PDE4D: variants seen among roughly 807,000 people sequenced by gnomAD.
PDE4D encodes phosphodiesterase 4D.
In PDE4D, 24 loss-of-function variants were observed where a neutral mutation model predicts 87.4. The ratio of observed to expected loss-of-function variants is 0.27; its 90% confidence interval spans 0.20 to 0.39. The LOEUF (loss-of-function observed/expected upper bound fraction) is 0.39. Among genes scored for constraint, PDE4D ranks in the 10% least tolerant of loss-of-function variants. The probability of loss-of-function intolerance (pLI) is 1.00; values close to 1 mark genes in which losing one functional copy is unlikely to be tolerated. For synonymous variants in PDE4D, 384 were observed against 383.2 expected (o/e 1.00, Z -0.02); for missense variants, 714 against 1,041.0 (o/e 0.69, Z 4.32).
chr5:59,362,083 T>G (rs1256647273), intron 1 of PDE4D, among the ~76,000 whole-genome samples: 1 of 152,176 alleles, frequency 6.6e-6, no homozygotes, highest in Non-Finnish European at 1.5e-5. Flanking sequence ...TGAGTTTCAG[T>G]GTCTTACCCA....
chr5:59,736,053 T>G (rs1758023548), intron 1 of PDE4D, among the ~76,000 whole-genome samples: 1 of 151,584 alleles, frequency 6.6e-6, no homozygotes, highest in Non-Finnish European at 1.5e-5. Context: ...AGAGTCAAAT[T>G]TATGTGACAA....
chr5:60,456,699 C>T (rs7719095), intron 1 of PDE4D, among the ~76,000 whole-genome samples: 19,165 of 152,198 alleles, frequency 0.13, 1,308 homozygotes, highest in Non-Finnish European at 0.16. Flanking sequence ...TCAACTTCTC[C>T]TTCCTTACTC....
chr5:59,770,899 A>G (rs1019271882), intron 1 of PDE4D, among the ~76,000 whole-genome samples: 9 of 152,080 alleles, frequency 5.9e-5, no homozygotes, highest in African/African-American at 2.2e-4. Context: ...TGGGAGGCCA[A>G]TGCAGGAAGA....
chr5:59,515,920 G>T (rs1487877088), intron 1 of PDE4D, among the ~76,000 whole-genome samples: 1 of 152,132 alleles, frequency 6.6e-6, no homozygotes, highest in African/African-American at 2.4e-5. Flanking sequence ...GAAATAACTA[G>T]TTAGCCATAT....
At chr5:60,295,043 T>C (rs918501178) in intron 1 of PDE4D, among the ~76,000 whole-genome samples, 1 of 152,164 alleles carries the variant, frequency 6.6e-6, no homozygotes, top group East Asian at 1.9e-4. Context: ...TTTATCTTGG[T>C]AAATTATAGT....
At chr5:59,900,239 C>CAAAA (rs369200356) in intron 3 of PDE4D, among the ~76,000 whole-genome samples, 13 of 118,274 alleles carry the variant, frequency 1.1e-4, no homozygotes, top group African/African-American at 3.9e-4. Context: ...GACTCCATAT[C>CAAAA]AAAAAAAAAT....
intron 1 of PDE4D, among the ~76,000 whole-genome samples, chr5:60,390,431 C>T (rs576194886): frequency 1.3e-5 from 2 of 152,284 alleles, no homozygotes; most frequent in South Asian, 4.2e-4. Flanking sequence ...ATTCCTTACC[C>T]TTTGAAAAGT....
At chr5:60,070,199 T>C (rs965557883) in intron 2 of PDE4D, among the ~76,000 whole-genome samples, 2 of 152,244 alleles carry the variant, frequency 1.3e-5, no homozygotes, top group Admixed American at 6.5e-5. Context: ...TTGCTCTAGA[T>C]AGGGCTTCAA....
At position 59,180,615 on chromosome 5, in the gene PDE4D, A is replaced by T. The variant is rs769361266; in HGVS notation, c.788T>A (p.Ile263Asn). ...CTTACCTGTTATGGTGGCTTTGTTG[A>T]TGGATGGTTGGTTGCACATGGGTGA... Reference protein sequence around the residue: ...KRSPMCNQPSINKATITEEAY... With the variant: ...KRSPMCNQPSNNKATITEEAY... The change falls in exon 5 of 15, where the codon ATC becomes AAC. Residue 263 changes from isoleucine to asparagine, a missense_variant. Physicochemically the swap from Ile to Asn is moderately radical, Grantham distance 149. Transcript: ENST00000340635. The T allele has an allele frequency of 1.2e-6, 2 of 1,613,406 alleles. No homozygotes were observed. Among genetic ancestry groups the T allele is most frequent in the South Asian group, 2.2e-5 (2 of 90,908 alleles).
intron 1 of PDE4D, among the ~76,000 whole-genome samples, chr5:59,815,083 C>T (rs1418660398): frequency 6.6e-6 from 1 of 152,094 alleles, no homozygotes; most frequent in Non-Finnish European, 1.5e-5. Context: ...AAACTGTCAA[C>T]ATGAGAGATA....
Position 60,012,907 on chromosome 5 carries a change from C to T in PDE4D, c.43-24190G>A, listed in dbSNP as rs371482472. Among the ~76,000 whole-genome samples the T allele has an allele frequency of 8.7e-4, 133 of 152,320 alleles. 2 individuals carry two copies. The South Asian group carries it at 0.027, about 31-fold the overall frequency. On this transcript the variant is annotated intron_variant, in intron 2 of 16. Coordinates refer to the PDE4D transcript ENST00000502484. ...CTATGGCTCAAGATCTGCCCACATG[C>T]TGTGAACAAGTTTTACTTTTGGCTA...
At chr5:60,276,253 G>A (rs1751354184) in intron 1 of PDE4D, among the ~76,000 whole-genome samples, 1 of 152,144 alleles carries the variant, frequency 6.6e-6, no homozygotes, top group Non-Finnish European at 1.5e-5. Flanking sequence ...TTGAAGATTT[G>A]TCTATTTCTC....
chr5:60,398,674 G>A (rs1475766674), intron 1 of PDE4D, among the ~76,000 whole-genome samples: 1 of 152,088 alleles, frequency 6.6e-6, no homozygotes, highest in Non-Finnish European at 1.5e-5. Context: ...TTTACTTTAA[G>A]AGAACCAACT....
intron 1 of PDE4D, chr5:59,275,241 T>C: frequency 1.0e-6 from 1 of 987,128 alleles, no homozygotes; most frequent in Admixed American, 2.3e-5. Context: ...CTGCCTTCTT[T>C]CACAAAGCCT....
intron 5 of PDE4D, among the ~76,000 whole-genome samples, chr5:59,163,379 C>A (rs1263671147): frequency 6.7e-6 from 1 of 150,288 alleles, no homozygotes; most frequent in East Asian, 2.0e-4. Context: ...TCAAGCGATT[C>A]TCCTGCCTCA....
intron 5 of PDE4D, among the ~76,000 whole-genome samples, chr5:59,054,910 A>G (rs1369943061): frequency 6.6e-6 from 1 of 152,124 alleles, no homozygotes; most frequent in African/African-American, 2.4e-5. Context: ...ATAATTAAAA[A>G]ACTCTCCCTC....
At chr5:59,268,200 C>A (rs968094818) in intron 1 of PDE4D, among the ~76,000 whole-genome samples, 1 of 152,064 alleles carries the variant, frequency 6.6e-6, no homozygotes, top group Non-Finnish European at 1.5e-5. Flanking sequence ...TCAGCCATCA[C>A]CCAGGATGCT....
intron 2 of PDE4D, among the ~76,000 whole-genome samples, chr5:60,022,360 A>C (rs2152853491): frequency 6.6e-6 from 1 of 152,316 alleles, no homozygotes; most frequent in East Asian, 1.9e-4. Flanking sequence ...ATAACAGAGG[A>C]GTATTCCTGT....
At chr5:60,235,028 G>A (rs1037924484) in intron 1 of PDE4D, among the ~76,000 whole-genome samples, 3 of 151,728 alleles carry the variant, frequency 2.0e-5, no homozygotes, top group Non-Finnish European at 4.4e-5. Context: ...CTAGATAACA[G>A]GCTTAAAGTC....
Sources: allele counts gnomAD v4.1 joint callset (sites outside exome capture counted in the v4.1 genomes callset), GRCh38; gene constraint gnomAD v4.1.1; transcripts MANE v1.5; gene names NCBI Gene and HGNC (gene_info 2026-07-23, HGNC 2026-07-21).